The following ARHGEF26 variants were observed in gnomAD, a reference collection of about 807,000 sequenced individuals.
ARHGEF26 encodes Rho guanine nucleotide exchange factor (GEF) 26.
In ARHGEF26, 59 loss-of-function variants were observed where a neutral mutation model predicts 89.4. That is an observed-to-expected ratio of 0.66 (90% CI 0.54 to 0.82). The LOEUF is 0.82. Among genes scored for constraint, ARHGEF26 ranks in the 40% least tolerant of loss-of-function variants. ARHGEF26 has a pLI of 0.00. For missense variants in ARHGEF26, 1,234 were observed against 1,085.6 expected (o/e 1.14, Z -1.92); for synonymous variants, 500 against 428.4 (o/e 1.17, Z -2.06).
chr3:154,130,147 A>ATTTTTTT (rs55816788), intron 4 of ARHGEF26, among the ~76,000 whole-genome samples: 67,994 of 104,640 alleles, frequency 0.65, 23,236 homozygotes, highest in South Asian at 0.76. Flanking sequence ...TTCCTTGGAA[A>ATTTTTTT]TTTTTTTTTT....
chr3:154,131,403 C>A (rs906146968), intron 4 of ARHGEF26, among the ~76,000 whole-genome samples: 2 of 152,188 alleles, frequency 1.3e-5, no homozygotes, highest in Admixed American at 1.3e-4. Context: ...CAGTTTGTAA[C>A]TTCTGTGATA....
chr3:154,186,500 C>G (rs1408104905), intron 6 of ARHGEF26, among the ~76,000 whole-genome samples: 1 of 152,050 alleles, frequency 6.6e-6, no homozygotes, highest in Admixed American at 6.5e-5. Context: ...GTGGCTCACA[C>G]CTGTAATCCC....
At chr3:154,208,015 T>C (rs545058322) in intron 9 of ARHGEF26, among the ~76,000 whole-genome samples, 6 of 152,190 alleles carry the variant, frequency 3.9e-5, no homozygotes, top group Non-Finnish European at 8.8e-5. Context: ...ATACCACATG[T>C]TCTCACTTAT....
intron 9 of ARHGEF26, among the ~76,000 whole-genome samples, chr3:154,202,518 GT>G (rs1403886065): frequency 6.6e-6 from 1 of 152,086 alleles, no homozygotes; most frequent in East Asian, 1.9e-4. Context: ...CTTTAAAGTT[GT>G]TTTTTCCAGT....
At chr3:154,167,304 C>T (rs1712105398) in intron 6 of ARHGEF26, among the ~76,000 whole-genome samples, 1 of 152,122 alleles carries the variant, frequency 6.6e-6, no homozygotes. Context: ...GTCCTTGAGA[C>T]CTGGTGGGAT....
At chr3:154,210,178 A>C (rs1715276644) in intron 9 of ARHGEF26, among the ~76,000 whole-genome samples, 1 of 152,074 alleles carries the variant, frequency 6.6e-6, no homozygotes, top group Non-Finnish European at 1.5e-5. Context: ...AGGTCCAGAA[A>C]TGCCATCCAG....
At chr3:154,177,298 C>T (rs1712885410) in intron 6 of ARHGEF26, among the ~76,000 whole-genome samples, 1 of 152,196 alleles carries the variant, frequency 6.6e-6, no homozygotes, top group Non-Finnish European at 1.5e-5. Flanking sequence ...CCCTTCTGAA[C>T]TAAGTTCACA....
chr3:154,207,055 C>T (rs1314082129), intron 9 of ARHGEF26, among the ~76,000 whole-genome samples: 2 of 152,188 alleles, frequency 1.3e-5, no homozygotes, highest in Non-Finnish European at 2.9e-5. Context: ...AACTGGCTAA[C>T]TGTATGCAGA....
In ARHGEF26 at chr3:154,122,403, G is replaced by C. The variant is rs760141224; in HGVS notation, c.411G>C (p.Ala137=). Residue 137 remains alanine, a synonymous_variant, in exon 2 of 15, where the codon GCG becomes GCC. Coordinates refer to ENST00000465093, the MANE Select transcript of ARHGEF26 (RefSeq NM_015595.4). ...CAAATGGCGCGGTGACCTTGCCTGC[G>C]CCGCCGCCGCCGCCGGTTCTGCGCC... is the stretch of plus-strand genomic sequence containing the variant. The part of the protein sequence containing the change: ...SPANGAVTLP[A]PPPPPVLRPP... The C allele has an allele frequency of 9.1e-6, 14 of 1,531,622 alleles. No homozygotes were observed. The highest frequency in any genetic ancestry group is 1.3e-5 in the Non-Finnish European group (14 of 1,119,658). 94.9% of individuals were successfully genotyped at this position (1,531,622 alleles called of 1,614,324 possible). A position where few individuals can be genotyped will look rare whatever the true frequency, so the allele number is the denominator to read the frequency against.
At chr3:154,124,956 G>A (rs1429328303) in intron 3 of ARHGEF26, among the ~76,000 whole-genome samples, 1 of 139,156 alleles carries the variant, frequency 7.2e-6, no homozygotes, top group Non-Finnish European at 1.5e-5. Context: ...TTCAACCCAT[G>A]TAGTATTTTT....
At chr3:154,143,777 T>C (rs902340963) in intron 4 of ARHGEF26, among the ~76,000 whole-genome samples, 7 of 152,232 alleles carry the variant, frequency 4.6e-5, no homozygotes, top group Non-Finnish European at 8.8e-5. Flanking sequence ...GGTTAAATTA[T>C]AGAATTGCCC....
Position 154,124,292 on chromosome 3 carries a change from A to G in ARHGEF26, c.1084-118A>G, listed in dbSNP as rs1718184023. 6 of 699,116 alleles carry G rather than the reference A, an allele frequency of 8.6e-6. No homozygotes were observed. In the Admixed American group the frequency reaches 2.0e-4, roughly 23 times the overall value. The allele number at this position is 699,116 out of a possible 1,614,324, so 43.3% of individuals were successfully genotyped here. ...CTGTGCGCTCTTGGAAATCTAATTA[A>G]TGTAATGACTAAAAAAAAGTATTTT... On this transcript the variant is annotated intron_variant, in intron 2 of 14. Coordinates refer to ENST00000465093, the MANE Select transcript of ARHGEF26 (RefSeq NM_015595.4).
chr3:154,195,018 A>G (rs1344440405), intron 9 of ARHGEF26, among the ~76,000 whole-genome samples: 1 of 152,228 alleles, frequency 6.6e-6, no homozygotes, highest in African/African-American at 2.4e-5. Context: ...CACTGTGCCA[A>G]GAATGATGCC....
chr3:154,133,482 A>T (rs115756180), intron 4 of ARHGEF26, among the ~76,000 whole-genome samples: 1 of 151,418 alleles, frequency 6.6e-6, no homozygotes, highest in Admixed American at 6.6e-5. Context: ...ACCTACAACT[A>T]TCTGATCTGG....
chr3:154,151,874 T>A (rs1348364503), intron 5 of ARHGEF26, among the ~76,000 whole-genome samples: 1 of 152,192 alleles, frequency 6.6e-6, no homozygotes, highest in Non-Finnish European at 1.5e-5. Flanking sequence ...ATCAGGGTGA[T>A]GAAGACAGAA....
At chr3:154,216,691 C>A (rs1486076779) in intron 9 of ARHGEF26, among the ~76,000 whole-genome samples, 1 of 71,976 alleles carries the variant, frequency 1.4e-5, no homozygotes, top group Admixed American at 1.6e-4. Flanking sequence ...CCCCTTCCCC[C>A]ACCCCACAAC....
chr3:154,159,816 CCTGA>C (rs1394926846), intron 6 of ARHGEF26, among the ~76,000 whole-genome samples: 16 of 152,102 alleles, frequency 1.1e-4, no homozygotes, highest in African/African-American at 3.1e-4. Context: ...TTTTAACTTT[CCTGA>C]CTAATTCTTA....
chr3:154,205,961 G>A (rs1378867575), intron 9 of ARHGEF26, among the ~76,000 whole-genome samples: 1 of 152,040 alleles, frequency 6.6e-6, no homozygotes, highest in Non-Finnish European at 1.5e-5. Context: ...GTTTTTCTAT[G>A]TATTTACTAT....
At chr3:154,179,276 A>T (rs529014080) in intron 6 of ARHGEF26, among the ~76,000 whole-genome samples, 1 of 152,370 alleles carries the variant, frequency 6.6e-6, no homozygotes, top group Admixed American at 6.5e-5. Flanking sequence ...TTAGCAAACC[A>T]TGAAGTTCAC....
Sources: gnomAD v4.1 joint callset for allele counts (sites outside exome capture counted in the v4.1 genomes callset) on GRCh38, gnomAD v4.1.1 for gene constraint, MANE v1.5 for transcripts, NCBI Gene and HGNC (gene_info 2026-07-23, HGNC 2026-07-21) for gene names.